Variants in TERF2 observed in about 807,000 individuals in gnomAD.
TERF2 encodes telomeric repeat binding factor 2.
Under a neutral mutation model 56.1 loss-of-function variants are expected in TERF2, and 16 were observed. That is an observed-to-expected ratio of 0.29 (90% CI 0.19 to 0.43). The LOEUF (loss-of-function observed/expected upper bound fraction) is 0.43. Ranked by LOEUF, TERF2 falls within the 20% of genes least tolerant of loss-of-function variation. The pLI is 1.00. For synonymous variants in TERF2, 296 were observed against 282.1 expected, an observed-to-expected ratio of 1.05 and a Z score of -0.50; for missense variants, 547 against 712.9, an observed-to-expected ratio of 0.77 and a Z score of 2.65.
chr16:69,365,332 T>C (rs2013302362), intron 7 of TERF2: 1 of 152,220 alleles, frequency 6.6e-6, no homozygotes, highest in Non-Finnish European at 1.5e-5. Flanking sequence ...GGTGACATAG[T>C]GCAAATCTGT....
chr16:69,371,274 G>T (rs935512099), intron 4 of TERF2, among the ~76,000 whole-genome samples: 1 of 151,802 alleles, frequency 6.6e-6, no homozygotes, highest in Non-Finnish European at 1.5e-5. Context: ...CGAGGCGGGC[G>T]GATCACTTGA....
At chr16:69,362,546 G>T (rs1289824723) in intron 7 of TERF2, among the ~76,000 whole-genome samples, 1 of 152,154 alleles carries the variant, frequency 6.6e-6, no homozygotes, top group Non-Finnish European at 1.5e-5. Context: ...AGCCACAAGG[G>T]AGTTATACCA....
chr16:69,361,191 C>G (rs2013123642), intron 8 of TERF2, among the ~76,000 whole-genome samples: 1 of 151,248 alleles, frequency 6.6e-6, no homozygotes, highest in Non-Finnish European at 1.5e-5. Flanking sequence ...ATGTTTACAC[C>G]ACTGCATTCT....
At chr16:69,366,702 G>T in intron 7 of TERF2, 105 bp downstream of exon 7, 1 of 1,403,192 alleles carries the variant, frequency 7.1e-7, no homozygotes, top group South Asian at 1.4e-5. Flanking sequence ...GCAAGCCTTG[G>T]TGGTGAGTAA....
At position 69,361,532 on chromosome 16, in the gene TERF2, C is replaced by T. The variant is rs181761849; in HGVS notation, c.1341-43G>A. On this transcript the variant is annotated intron_variant, in intron 7 of 9. Coordinates refer to ENST00000254942, the MANE Select transcript of TERF2 (RefSeq NM_005652.5). Reference sequence around the variant, plus strand: ...AGAGCACAGGTATAAAACAAATTCACCCTGGATTGTCCCAGATTCTGGTCT... The same window carrying T: ...AGAGCACAGGTATAAAACAAATTCATCCTGGATTGTCCCAGATTCTGGTCT... 47 of 1,352,516 alleles carry T rather than the reference C, an allele frequency of 3.5e-5. No homozygotes were observed. In the East Asian group the frequency reaches 1.0e-3, roughly 29 times the overall value. The allele number at this position is 1,352,516 out of a possible 1,614,324, so 83.8% of individuals were successfully genotyped here.
intron 8 of TERF2, among the ~76,000 whole-genome samples, chr16:69,359,758 C>T (rs1377701470): frequency 1.4e-5 from 2 of 144,056 alleles, no homozygotes; most frequent in Admixed American, 7.2e-5. Flanking sequence ...GTAGCTGGGA[C>T]TACAGGCGCC....
intron 3 of TERF2, among the ~76,000 whole-genome samples, chr16:69,380,794 A>G (rs1244535856): frequency 1.3e-5 from 2 of 150,832 alleles, no homozygotes; most frequent in African/African-American, 4.9e-5. Flanking sequence ...ATATTGACAC[A>G]TTCATTAATT....
At chr16:69,372,803 A>G (rs1278931312) in intron 3 of TERF2, among the ~76,000 whole-genome samples, 1 of 152,118 alleles carries the variant, frequency 6.6e-6, no homozygotes, top group Non-Finnish European at 1.5e-5. Flanking sequence ...AGTGTTATGA[A>G]CCACTGGAAG....
chr16:69,367,279 T>G lies in TERF2; in HGVS notation c.948-80A>C, dbSNP rs62057891. 0.015 allele frequency: 21,536 copies of G among 1,469,974 alleles called. 194 individuals are homozygous for G. The highest frequency in any genetic ancestry group is 0.017 in the Non-Finnish European group (18,631 of 1,102,698). The allele number at this position is 1,469,974 out of a possible 1,614,324, so 91.1% of individuals were successfully genotyped here. On this transcript the variant is annotated intron_variant, in intron 6 of 9. Transcript: ENST00000254942. The stretch of plus-strand genomic sequence containing the variant: ...AAACAGCCACAACTTTTTTGAAGTT[T>G]GAAGCTTCAAATTCCAGTTGAGGAG...
intron 8 of TERF2, among the ~76,000 whole-genome samples, chr16:69,357,945 T>C (rs1195548060): frequency 3.4e-4 from 46 of 134,618 alleles, no homozygotes; most frequent in South Asian, 5.1e-4. Flanking sequence ...GCCTCCCAGG[T>C]TCACCCCATT....
chr16:69,378,953 G>GGGC (rs1319080366), intron 3 of TERF2, among the ~76,000 whole-genome samples: 1 of 150,930 alleles, frequency 6.6e-6, no homozygotes, highest in African/African-American at 2.4e-5. Context: ...TTTCCTGTGG[G>GGGC]GGGGGGGAAA....
At chr16:69,378,756 T>C (rs568098283) in intron 3 of TERF2, among the ~76,000 whole-genome samples, 56 of 152,324 alleles carry the variant, frequency 3.7e-4, no homozygotes, top group Non-Finnish European at 6.8e-4. Flanking sequence ...GTCCAAGACT[T>C]ATAATTACAT....
At chr16:69,381,479 A>AT (rs759759533) in intron 3 of TERF2, among the ~76,000 whole-genome samples, 1,457 of 141,910 alleles carry the variant, frequency 0.01, 22 homozygotes, top group African/African-American at 0.031. Flanking sequence ...ACTTCCTCTT[A>AT]TTTTTTTTTT....
At chr16:69,363,712 T>C (rs192078764) in intron 7 of TERF2, among the ~76,000 whole-genome samples, 1 of 152,324 alleles carries the variant, frequency 6.6e-6, no homozygotes, top group East Asian at 1.9e-4. Flanking sequence ...CTCACGTCTG[T>C]AATCCCAGCA....
At chr16:69,385,566 A>ACCCCC (rs747125201) in intron 1 of TERF2, 27 bp downstream of exon 1, 1 of 1,184,618 alleles carries the variant, frequency 8.4e-7, no homozygotes, top group Non-Finnish European at 1.2e-6. Context: ...CGGCGCTCCA[A>ACCCCC]CCCCCCTCCC....
Position 69,372,691 on chromosome 16 carries a change from C to T in TERF2, c.607-336G>A, listed in dbSNP as rs754916012. Among the ~76,000 whole-genome samples the T allele has an allele frequency of 5.9e-5, 9 of 152,020 alleles. No individual in the cohort carries two copies. The South Asian group carries it at 8.3e-4, about 14-fold the overall frequency. ...GCAGGAGAATTGCTTGAACCTGGGA[C>T]GCAGAGGTTGCAGTAAGCCGAGATC... On this transcript the variant is annotated intron_variant, in intron 3 of 9. Coordinates refer to ENST00000254942, the MANE Select transcript of TERF2 (RefSeq NM_005652.5).
At chr16:69,384,796 A>C (rs1291171766) in intron 2 of TERF2, 86 bp from the exon 3 acceptor site, 1 of 1,230,078 alleles carries the variant, frequency 8.1e-7, no homozygotes, top group Non-Finnish European at 1.1e-6. Context: ...ATATTTATGG[A>C]AATGGAGCAT....
intron 3 of TERF2, among the ~76,000 whole-genome samples, chr16:69,378,138 T>A (rs1363930961): frequency 6.6e-6 from 1 of 152,210 alleles, no homozygotes; most frequent in East Asian, 1.9e-4. Context: ...AATTTCAGCA[T>A]CAATTTATAT....
intron 5 of TERF2, among the ~76,000 whole-genome samples, chr16:69,368,795 G>A (rs2013450419): frequency 6.6e-6 from 1 of 152,000 alleles, no homozygotes; most frequent in Non-Finnish European, 1.5e-5. Flanking sequence ...TCCCATCTCG[G>A]CCTCCCAAGT....
Sources: gnomAD v4.1 joint callset for allele counts (sites outside exome capture counted in the v4.1 genomes callset) on GRCh38, gnomAD v4.1.1 for gene constraint, MANE v1.5 for transcripts, NCBI Gene and HGNC (gene_info 2026-07-23, HGNC 2026-07-21) for gene names.